Variants in SNCAIP observed in about 807,000 individuals in gnomAD.
The protein encoded by SNCAIP is synuclein alpha interacting protein.
Under a neutral mutation model 86.7 loss-of-function variants are expected in SNCAIP, and 43 were observed. The observed-to-expected ratio is 0.50, with a 90% CI of 0.39 to 0.64. The LOEUF is 0.64. Among genes scored for constraint, SNCAIP ranks in the 30% least tolerant of loss-of-function variants. The pLI, the probability that SNCAIP is intolerant of heterozygous loss-of-function variation, is 0.00. For synonymous variants in SNCAIP, 417 were observed against 427.2 expected, an observed-to-expected ratio of 0.98 and a Z score of 0.29; for missense variants, 981 against 1,103.1, an observed-to-expected ratio of 0.89 and a Z score of 1.57.
intron 1 of SNCAIP, among the ~76,000 whole-genome samples, chr5:122,366,099 A>T (rs1378377571): frequency 6.6e-6 from 1 of 152,184 alleles, no homozygotes; most frequent in South Asian, 2.1e-4. Flanking sequence ...ATACAGAGGA[A>T]AATTATAATA....
At chr5:122,351,536 CAAAAAAAAAAAAAAA>C (rs541191012) in intron 1 of SNCAIP, among the ~76,000 whole-genome samples, 19 of 36,514 alleles carry the variant, frequency 5.2e-4, no homozygotes, top group Admixed American at 2.0e-3. Context: ...GACTCTGTAT[CAAAAAAAAAAAAAAA>C]AAAAAAAAAA....
intron 10 of SNCAIP, among the ~76,000 whole-genome samples, chr5:122,453,511 A>G (rs1015899508): frequency 5.3e-5 from 8 of 152,188 alleles, no homozygotes; most frequent in Non-Finnish European, 1.0e-4. Flanking sequence ...ATTTCAGTCC[A>G]TGAGCCAGGT....
intron 1 of SNCAIP, among the ~76,000 whole-genome samples, chr5:122,355,788 A>G: frequency 6.6e-6 from 1 of 152,174 alleles, no homozygotes; most frequent in Non-Finnish European, 1.5e-5. Flanking sequence ...AATTTAAGTT[A>G]AATGTGTACA....
chr5:122,366,398 A>C (rs1410770990), intron 1 of SNCAIP, among the ~76,000 whole-genome samples: 1 of 152,222 alleles, frequency 6.6e-6, no homozygotes, highest in African/African-American at 2.4e-5. Context: ...CCCTTCTCCA[A>C]GCCCTCCAGT....
At chr5:122,345,506 T>G (rs917439647) in intron 1 of SNCAIP, among the ~76,000 whole-genome samples, 2 of 152,176 alleles carry the variant, frequency 1.3e-5, no homozygotes, top group Non-Finnish European at 2.9e-5. Context: ...AGTTCTTTGT[T>G]GGCTGTGGCT....
chr5:122,348,102 C>A (rs996635631), intron 1 of SNCAIP, among the ~76,000 whole-genome samples: 2 of 152,054 alleles, frequency 1.3e-5, no homozygotes, highest in Non-Finnish European at 2.9e-5. Flanking sequence ...CATTGGGATT[C>A]CCCCATCCAT....
intron 5 of SNCAIP, among the ~76,000 whole-genome samples, chr5:122,425,935 T>A (rs573868463): frequency 6.6e-6 from 1 of 152,314 alleles, no homozygotes; most frequent in South Asian, 2.1e-4. Flanking sequence ...GATCACAAAG[T>A]GGGCGCTTAA....
intron 1 of SNCAIP, among the ~76,000 whole-genome samples, chr5:122,324,185 G>GA (rs557075048): frequency 3.3e-5 from 5 of 152,130 alleles, no homozygotes; most frequent in South Asian, 2.1e-4. Context: ...CCTAAGAGAT[G>GA]AAAAAAATAG....
intron 1 of SNCAIP, among the ~76,000 whole-genome samples, chr5:122,334,167 G>A (rs1219322542): frequency 6.6e-6 from 1 of 152,060 alleles, no homozygotes; most frequent in Middle Eastern, 3.2e-3. Context: ...CACTTACGTA[G>A]CATATACCAG....
At chr5:122,341,303 G>GTAAA (rs1049639607) in intron 1 of SNCAIP, among the ~76,000 whole-genome samples, 2 of 152,184 alleles carry the variant, frequency 1.3e-5, no homozygotes. Context: ...AGATGTCAGG[G>GTAAA]TAAAGCCCTG....
At chr5:122,385,047 C>T (rs1767809540) in intron 1 of SNCAIP, among the ~76,000 whole-genome samples, 1 of 152,246 alleles carries the variant, frequency 6.6e-6, no homozygotes, top group South Asian at 2.1e-4. Context: ...CAACCACTCC[C>T]TTCCCATTCA....
chr5:122,392,281 A>G (rs7736424), intron 2 of SNCAIP, among the ~76,000 whole-genome samples: 1,633 of 152,268 alleles, frequency 0.011, 23 homozygotes, highest in African/African-American at 0.038. Flanking sequence ...TGTGAATTCA[A>G]CATTTGCCTA....
At chr5:122,455,060 G>C (rs972519407) in intron 10 of SNCAIP, among the ~76,000 whole-genome samples, 2 of 152,118 alleles carry the variant, frequency 1.3e-5, no homozygotes, top group African/African-American at 4.8e-5. Flanking sequence ...TAAATACTTA[G>C]AAACCCCAAA....
intron 1 of SNCAIP, among the ~76,000 whole-genome samples, chr5:122,328,504 A>G (rs1319275947): frequency 6.6e-6 from 1 of 152,132 alleles, no homozygotes; most frequent in Non-Finnish European, 1.5e-5. Flanking sequence ...TAAACACTCA[A>G]CAATTCTTGG....
intron 6 of SNCAIP, 53 bp from the exon 7 acceptor site, chr5:122,440,576 T>A: frequency 6.4e-7 from 1 of 1,570,990 alleles, no homozygotes. Context: ...TGTCTTTTTA[T>A]CTAACTTCTC....
At position 122,318,617 on chromosome 5, in the gene SNCAIP, A is replaced by G. The variant is rs534501950; in HGVS notation, c.-47+6333A>G. ...CTATTTCCTTTAAATTGATTTTCAC[A>G]TTTGCCTCTTAGGATACTGGGACAT... On this transcript the variant is annotated intron_variant, in intron 1 of 10. Transcript: ENST00000261368. 2.0e-3 allele frequency among the ~76,000 whole-genome samples: 299 copies of G among 152,234 alleles called. 1 individual carries two copies. Among genetic ancestry groups the G allele is most frequent in the African/African-American group, 7.0e-3 (289 of 41,542 alleles).
intron 2 of SNCAIP, chr5:122,401,224 G>A (rs1765925086): frequency 9.3e-6 from 11 of 1,180,558 alleles, no homozygotes; most frequent in Non-Finnish European, 2.3e-6. Context: ...CCAGATGGTA[G>A]CACAATGCAT....
chr5:122,431,656 C>T (rs1222850573), intron 5 of SNCAIP, among the ~76,000 whole-genome samples: 3 of 152,026 alleles, frequency 2.0e-5, no homozygotes, highest in South Asian at 2.1e-4. Context: ...ACATATTTGT[C>T]AAAATACATC....
chr5:122,452,026 T>C (rs1046232446), intron 10 of SNCAIP, among the ~76,000 whole-genome samples: 17 of 152,320 alleles, frequency 1.1e-4, no homozygotes, highest in Non-Finnish European at 2.1e-4. Context: ...TCAGGCCCAA[T>C]TAAAAAGTAC....
Sources: gnomAD v4.1 joint callset for allele counts (sites outside exome capture counted in the v4.1 genomes callset) on GRCh38, gnomAD v4.1.1 for gene constraint, MANE v1.5 for transcripts, NCBI Gene and HGNC (gene_info 2026-07-23, HGNC 2026-07-21) for gene names.